The following TMEM74 variants were observed in gnomAD, a reference collection of about 807,000 sequenced individuals.
The protein encoded by TMEM74 is transmembrane protein 74.
Under a neutral mutation model 18.1 loss-of-function variants are expected in TMEM74, and 13 were observed. The ratio of observed to expected loss-of-function variants is 0.72; its 90% CI spans 0.47 to 1.14. TMEM74 has a LOEUF of 1.14. Ranked by LOEUF, TMEM74 falls within the 50% of genes most tolerant of loss-of-function variation. TMEM74 has a pLI of 0.00. For missense variants in TMEM74, 372 were observed against 375.9 expected, an observed-to-expected ratio of 0.99 and a Z score of 0.09; for synonymous variants, 159 against 146.6, an observed-to-expected ratio of 1.08 and a Z score of -0.61.
intron 1 of TMEM74, among the ~76,000 whole-genome samples, chr8:108,770,466 A>G (rs954732549): frequency 2.0e-5 from 3 of 152,186 alleles, no homozygotes; most frequent in Non-Finnish European, 4.4e-5. Flanking sequence ...AACTCATAAA[A>G]ACCCCAAAAG....
At chr8:108,679,388 T>G (rs1813089754) in intron 1 of TMEM74, among the ~76,000 whole-genome samples, 2 of 152,314 alleles carry the variant, frequency 1.3e-5, no homozygotes, top group South Asian at 4.1e-4. Context: ...TTCCTATTTC[T>G]CCACATCCTC....
At chr8:108,632,737 T>C (rs1273242622) in intron 2 of TMEM74, among the ~76,000 whole-genome samples, 1 of 152,000 alleles carries the variant, frequency 6.6e-6, no homozygotes, top group African/African-American at 2.4e-5. Context: ...TAGGTTTGCC[T>C]CTTGGCTGTG....
At chr8:108,734,964 G>A (rs1291538074) in intron 1 of TMEM74, among the ~76,000 whole-genome samples, 2 of 152,136 alleles carry the variant, frequency 1.3e-5, no homozygotes, top group African/African-American at 2.4e-5. Flanking sequence ...GCCACTTTCT[G>A]CTTATCACTG....
chr8:108,685,139 G>A (rs1813155604), intron 1 of TMEM74, among the ~76,000 whole-genome samples: 1 of 151,978 alleles, frequency 6.6e-6, no homozygotes, highest in Non-Finnish European at 1.5e-5. Flanking sequence ...TTCTTGTAGA[G>A]ATTTTTCACT....
chr8:108,663,864 A>C (rs1812924117), intron 1 of TMEM74, among the ~76,000 whole-genome samples: 1 of 152,192 alleles, frequency 6.6e-6, no homozygotes, highest in Non-Finnish European at 1.5e-5. Flanking sequence ...AAGGAACAGA[A>C]AACCAAACAC....
chr8:108,619,408 G>A (rs562345222), intron 2 of TMEM74, among the ~76,000 whole-genome samples: 1 of 152,290 alleles, frequency 6.6e-6, no homozygotes, highest in African/African-American at 2.4e-5. Context: ...GTGTTGCTTC[G>A]GTTGTGTGAC....
intron 1 of TMEM74, among the ~76,000 whole-genome samples, chr8:108,675,508 G>A (rs1244874400): frequency 2.6e-5 from 4 of 152,062 alleles, no homozygotes; most frequent in Non-Finnish European, 5.9e-5. Flanking sequence ...ATTTAAAATC[G>A]CATTAGAGTA....
chr8:108,640,863 A>C (rs1456701287), intron 2 of TMEM74, among the ~76,000 whole-genome samples: 1 of 152,164 alleles, frequency 6.6e-6, no homozygotes, highest in African/African-American at 2.4e-5. Flanking sequence ...ACAGGCTTTG[A>C]TTGGCTTCCA....
chr8:108,759,417 A>G (rs1814014756), intron 1 of TMEM74, among the ~76,000 whole-genome samples: 1 of 152,148 alleles, frequency 6.6e-6, no homozygotes, highest in South Asian at 2.1e-4. Context: ...AATATATTTG[A>G]TGTAATAAAA....
intron 1 of TMEM74, among the ~76,000 whole-genome samples, chr8:108,672,389 T>C (rs1199652029): frequency 6.6e-6 from 1 of 152,166 alleles, no homozygotes; most frequent in Non-Finnish European, 1.5e-5. Flanking sequence ...AGAAATACAA[T>C]ATTTTGATTT....
intron 1 of TMEM74, among the ~76,000 whole-genome samples, chr8:108,671,388 CT>C (rs1479733384): frequency 1.3e-5 from 2 of 152,284 alleles, no homozygotes; most frequent in African/African-American, 2.4e-5. Flanking sequence ...AGAAGGCCCC[CT>C]GGGGCAAAAG....
At chr8:108,776,337 A>G (rs1814233596), downstream of TMEM74, among the ~76,000 whole-genome samples, 1 of 152,366 alleles carries the variant, frequency 6.6e-6, no homozygotes, top group South Asian at 2.1e-4. Context: ...TACTAAAAAT[A>G]CAAAAATTAG....
At chr8:108,707,002 T>C (rs1159267456) in intron 1 of TMEM74, among the ~76,000 whole-genome samples, 1 of 151,992 alleles carries the variant, frequency 6.6e-6, no homozygotes, top group Non-Finnish European at 1.5e-5. Flanking sequence ...TACTCTTTAC[T>C]TAATCCCTCA....
intron 1 of TMEM74, among the ~76,000 whole-genome samples, chr8:108,742,059 T>C (rs1813806161): frequency 6.6e-6 from 1 of 152,088 alleles, no homozygotes; most frequent in Non-Finnish European, 1.5e-5. Flanking sequence ...GAAAACTAAA[T>C]ACTGCATGTT....
rs191655469 is a variant in TMEM74 at position 108,764,556 on chromosome 8, T to C, written n.119+22920A>G. 6.2e-3 allele frequency among the ~76,000 whole-genome samples: 943 copies of C among 152,252 alleles called. 4 individuals are homozygous for C. Among genetic ancestry groups the C allele is most frequent in the South Asian group, 0.022 (106 of 4,830 alleles). On this transcript the variant is annotated intron_variant and non_coding_transcript_variant, in intron 1 of 3. Coordinates refer to the TMEM74 transcript ENST00000518838. ...GAGTGCTTTGAGTTTAAGATGAGGA[T>C]AATACCTTATTCCTCTGTATGCACA... is the stretch of plus-strand genomic sequence containing the variant.
intron 1 of TMEM74, among the ~76,000 whole-genome samples, chr8:108,728,864 A>C (rs554828513): frequency 6.6e-5 from 10 of 152,322 alleles, no homozygotes; most frequent in Admixed American, 3.3e-4. Flanking sequence ...GTGTTTTTCT[A>C]AGCAAAACAG....
intron 3 of TMEM74, among the ~76,000 whole-genome samples, chr8:108,608,550 C>T (rs189366584): frequency 4.6e-5 from 7 of 152,278 alleles, no homozygotes; most frequent in Non-Finnish European, 8.8e-5. Flanking sequence ...AGTAGAGTTT[C>T]TATGCAAATA....
chr8:108,720,847 C>T (rs191618478), intron 1 of TMEM74, among the ~76,000 whole-genome samples: 14 of 152,250 alleles, frequency 9.2e-5, no homozygotes, highest in Non-Finnish European at 1.9e-4. Context: ...CTGCTCACTG[C>T]AACCTCTGCC....
intron 2 of TMEM74, among the ~76,000 whole-genome samples, chr8:108,626,175 A>G (rs1025140919): frequency 6.6e-6 from 1 of 152,060 alleles, no homozygotes; most frequent in South Asian, 2.1e-4. Flanking sequence ...TATTTTCTAC[A>G]TTATTTACAT....
Sources: allele counts gnomAD v4.1 joint callset (sites outside exome capture counted in the v4.1 genomes callset), GRCh38; gene constraint gnomAD v4.1.1; transcripts MANE v1.5; gene names NCBI Gene and HGNC (gene_info 2026-07-23, HGNC 2026-07-21).